The following PBRM1 variants were observed in gnomAD, a reference collection of about 807,000 sequenced individuals.
PBRM1 encodes protein polybromo-1.
A neutral mutation model predicts 194.5 loss-of-function variants in PBRM1; 27 were observed. The ratio of observed to expected loss-of-function variants is 0.14; its 90% confidence interval spans 0.10 to 0.19. The LOEUF (loss-of-function observed/expected upper bound fraction) is 0.19, where lower values mean the gene tolerates loss of function less well. Ranked by LOEUF, PBRM1 falls within the 10% of genes least tolerant of loss-of-function variation. PBRM1 has a pLI of 1.00. For synonymous variants in PBRM1, 655 were observed against 693.2 expected, an observed-to-expected ratio of 0.94 and a Z score of 0.87; for missense variants, 1,466 against 2,077.2, an observed-to-expected ratio of 0.71 and a Z score of 5.72.
intron 18 of PBRM1, among the ~76,000 whole-genome samples, chr3:52,588,552 C>CTTTTTT (rs36058575): frequency 8.2e-5 from 9 of 110,146 alleles, no homozygotes; most frequent in African/African-American, 1.4e-4. Flanking sequence ...GTATTTCTTT[C>CTTTTTT]TTTTTTTTTT....
At chr3:52,559,678 A>G (rs1438502667) in intron 25 of PBRM1, among the ~76,000 whole-genome samples, 1 of 152,158 alleles carries the variant, frequency 6.6e-6, no homozygotes. Context: ...CTACAGCTCC[A>G]GTCCTCCTTT....
exon 3 of PBRM1, chr3:52,668,629 A>G (rs2096885871): frequency 1.3e-6 from 2 of 1,577,198 alleles, no homozygotes; most frequent in Non-Finnish European, 1.7e-6. Flanking sequence ...ACCACTTCAT[A>G]ATAGTCTGGT....
At chr3:52,621,738 T>C (rs2095283633) in intron 13 of PBRM1, among the ~76,000 whole-genome samples, 1 of 152,172 alleles carries the variant, frequency 6.6e-6, no homozygotes, top group South Asian at 2.1e-4. Context: ...TGTTCATCAT[T>C]GTGCATTCAA....
chr3:52,548,706 G>C (rs1206095343), intron 29 of PBRM1, among the ~76,000 whole-genome samples: 2 of 152,136 alleles, frequency 1.3e-5, no homozygotes, highest in East Asian at 3.9e-4. Context: ...GATTACAGGT[G>C]TGAGCCACTG....
intron 22 of PBRM1, among the ~76,000 whole-genome samples, chr3:52,572,791 A>G (rs963865545): frequency 6.6e-6 from 1 of 152,208 alleles, no homozygotes; most frequent in Non-Finnish European, 1.5e-5. Flanking sequence ...AAAATGATAC[A>G]CCTCATCTAA....
chr3:52,657,772 A>G (rs2096635696), intron 5 of PBRM1, among the ~76,000 whole-genome samples: 1 of 149,340 alleles, frequency 6.7e-6, no homozygotes, highest in South Asian at 2.1e-4. Context: ...GCCTGGCCCA[A>G]CATCTTCCTT....
intron 10 of PBRM1, among the ~76,000 whole-genome samples, chr3:52,636,197 G>A (rs1246236864): frequency 6.6e-6 from 1 of 152,112 alleles, no homozygotes; most frequent in Non-Finnish European, 1.5e-5. Flanking sequence ...TATCAGACAT[G>A]ATTTAGCCTT....
At chr3:52,592,101 A>C (rs1189403326) in intron 17 of PBRM1, among the ~76,000 whole-genome samples, 1 of 146,264 alleles carries the variant, frequency 6.8e-6, no homozygotes, top group Non-Finnish European at 1.5e-5. Context: ...CTGGGATTAC[A>C]GGTGTGAGCC....
At chr3:52,554,957 TGCA>T in intron 26 of PBRM1, 78 bp from the exon 29 acceptor site, 2 of 1,143,758 alleles carry the variant, frequency 1.7e-6, no homozygotes, top group Non-Finnish European at 2.6e-6. Flanking sequence ...AACCCCCACA[TGCA>T]CTACCAATGA....
chr3:52,641,780 A>C (rs2096096342), intron 10 of PBRM1, among the ~76,000 whole-genome samples, 174 bp downstream of exon 11: 1 of 152,234 alleles, frequency 6.6e-6, no homozygotes, highest in East Asian at 1.9e-4. Flanking sequence ...GTTTTAAGAC[A>C]AGATAAAGCA....
chr3:52,662,170 T>C (rs1213027214), exon 4 of PBRM1: 1 of 1,614,130 alleles, frequency 6.2e-7, no homozygotes, highest in East Asian at 2.2e-5. Context: ...TTGCCCATCT[T>C]CATCATCATC....
At chr3:52,553,680 T>TG (rs1403673642) in intron 27 of PBRM1, among the ~76,000 whole-genome samples, 2 of 148,802 alleles carry the variant, frequency 1.3e-5, no homozygotes. Flanking sequence ...TTTTTTTTTT[T>TG]TGACACGGAG....
At chr3:52,628,477 G>T (rs1243987883) in intron 12 of PBRM1, among the ~76,000 whole-genome samples, 2 of 149,276 alleles carry the variant, frequency 1.3e-5, no homozygotes, top group African/African-American at 4.9e-5. Flanking sequence ...TATATATATT[G>T]TTTGTTTGTT....
chr3:52,580,815 T>C (rs1406631909), intron 20 of PBRM1, among the ~76,000 whole-genome samples: 2 of 152,192 alleles, frequency 1.3e-5, no homozygotes, highest in African/African-American at 4.8e-5. Context: ...TTTACGAAGC[T>C]TAAGTGACAT....
chr3:52,565,271 C>T (rs905079491), intron 22 of PBRM1, among the ~76,000 whole-genome samples: 7 of 151,548 alleles, frequency 4.6e-5, no homozygotes, highest in African/African-American at 7.3e-5. Context: ...TTTGGGAGGC[C>T]GAGGAGGGTG....
chr3:52,640,711 G>T (rs1016057087), intron 10 of PBRM1, among the ~76,000 whole-genome samples: 1 of 151,756 alleles, frequency 6.6e-6, no homozygotes, highest in Non-Finnish European at 1.5e-5. Flanking sequence ...GTGTGATCTC[G>T]GTTTACTGCA....
rs781525756 is a variant in PBRM1 at position 52,561,999 on chromosome 3, A to C, written c.4087-31T>G. 19 of 1,557,216 alleles carry C rather than the reference A, an allele frequency of 1.2e-5. No homozygotes were observed. The African/African-American group carries it at 2.0e-4, about 17-fold the overall frequency. On this transcript the variant is annotated intron_variant, in intron 24 of 29. Transcript: ENST00000296302. ...AGACAGAAAGGTCTTATGGTGCATCAAAACATTACATTTGGTTAACTGCTC... is the reference window on the plus strand; with the variant it reads ...AGACAGAAAGGTCTTATGGTGCATCCAAACATTACATTTGGTTAACTGCTC...
chr3:52,640,942 T>C (rs1471649200), intron 10 of PBRM1, among the ~76,000 whole-genome samples: 1 of 152,176 alleles, frequency 6.6e-6, no homozygotes, highest in African/African-American at 2.4e-5. Flanking sequence ...CCCGGCCGTG[T>C]GTCACTTTTA....
At chr3:52,657,420 A>C (rs1337532533) in intron 5 of PBRM1, among the ~76,000 whole-genome samples, 2 of 152,308 alleles carry the variant, frequency 1.3e-5, no homozygotes, top group African/African-American at 2.4e-5. Flanking sequence ...GACCGTATAC[A>C]TTTTGTGCTG....
Sources: allele counts gnomAD v4.1 joint callset (sites outside exome capture counted in the v4.1 genomes callset), GRCh38; gene constraint gnomAD v4.1.1; transcripts MANE v1.5; gene names NCBI Gene and HGNC (gene_info 2026-07-23, HGNC 2026-07-21).